AAGAB: variants seen among roughly 807,000 people sequenced by gnomAD.
The protein encoded by AAGAB is alpha- and gamma-adaptin-binding protein p34.
In AAGAB, 38 loss-of-function variants were observed where a neutral mutation model predicts 44.1. The ratio of observed to expected loss-of-function variants is 0.86; its 90% CI spans 0.67 to 1.13. The LOEUF (loss-of-function observed/expected upper bound fraction) is 1.13. Among genes scored for constraint, AAGAB ranks in the 50% most tolerant of loss-of-function variants. The pLI, the probability that AAGAB is intolerant of heterozygous loss-of-function variation, is 0.00. For missense variants in AAGAB, 450 were observed against 373.8 expected, an observed-to-expected ratio of 1.20 and a Z score of -1.68; for synonymous variants, 131 against 131.8, an observed-to-expected ratio of 0.99 and a Z score of 0.04.
chr15:67,232,547 A>G (rs1355662311), intron 4 of AAGAB: 2 of 390,588 alleles, frequency 5.1e-6, no homozygotes, highest in East Asian at 6.8e-5. Context: ...GGAAGGCAAC[A>G]CTACCTAAGA....
chr15:67,237,750 T>G (rs1231714046), intron 1 of AAGAB, among the ~76,000 whole-genome samples: 3 of 152,164 alleles, frequency 2.0e-5, no homozygotes, highest in Non-Finnish European at 4.4e-5. Context: ...TAAAATGACA[T>G]GCCATTAATT....
intron 5 of AAGAB, among the ~76,000 whole-genome samples, chr15:67,211,251 C>T (rs1324599310): frequency 6.6e-6 from 1 of 152,202 alleles, no homozygotes; most frequent in Non-Finnish European, 1.5e-5. Context: ...AACTAAGAGG[C>T]TGCTGCTGCC....
At chr15:67,217,001 C>T (rs1963966706) in intron 5 of AAGAB, among the ~76,000 whole-genome samples, 1 of 151,972 alleles carries the variant, frequency 6.6e-6, no homozygotes, top group Admixed American at 6.6e-5. Context: ...TTTTTTTCCT[C>T]TTCCCCTTTT....
intron 5 of AAGAB, among the ~76,000 whole-genome samples, chr15:67,231,515 C>T (rs143981918): frequency 6.6e-6 from 1 of 152,178 alleles, no homozygotes. Context: ...AATTTCACAG[C>T]TGGACTAGGA....
rs1441055976 is a variant in AAGAB at position 67,221,564 on chromosome 15, T to G, written c.535+10250A>C. 2.0e-5 allele frequency among the ~76,000 whole-genome samples: 3 copies of G among 152,200 alleles called. No homozygotes were observed. In the East Asian group the frequency reaches 5.8e-4, roughly 29 times the overall value. Reference sequence around the variant, plus strand: ...AAAGTTCCTAACAGTTTCTACCCAGTGCAGTTGAGGGCACATCTACCAACC... The same window carrying G: ...AAAGTTCCTAACAGTTTCTACCCAGGGCAGTTGAGGGCACATCTACCAACC... On this transcript the variant is annotated intron_variant, in intron 5 of 9. Transcript: ENST00000261880.
chr15:67,251,236 CTGTG>C (rs55690815), intron 1 of AAGAB, among the ~76,000 whole-genome samples: 39 of 147,496 alleles, frequency 2.6e-4, no homozygotes, highest in South Asian at 6.4e-4. Flanking sequence ...GTGTGTGTGT[CTGTG>C]TGTGTGTGTG....
intron 1 of AAGAB, among the ~76,000 whole-genome samples, chr15:67,246,852 C>A (rs577063363): frequency 2.0e-5 from 3 of 152,318 alleles, no homozygotes; most frequent in Admixed American, 2.0e-4. Flanking sequence ...GTAAAATGGA[C>A]CAATCAGCAG....
At chr15:67,230,326 G>A (rs544848426) in intron 5 of AAGAB, among the ~76,000 whole-genome samples, 1 of 152,294 alleles carries the variant, frequency 6.6e-6, no homozygotes, top group Non-Finnish European at 1.5e-5. Context: ...CTAACCTCCA[G>A]TATCTTAGAA....
At chr15:67,252,623 T>A (rs1273984230) in intron 1 of AAGAB, among the ~76,000 whole-genome samples, 1 of 152,032 alleles carries the variant, frequency 6.6e-6, no homozygotes, top group Non-Finnish European at 1.5e-5. Context: ...TATGCACTAG[T>A]TTTACAATGA....
upstream of AAGAB, chr15:67,255,075 AGGC>A: frequency 1.1e-6 from 1 of 927,906 alleles, no homozygotes; most frequent in Non-Finnish European, 1.7e-6. Flanking sequence ...AACTCGCGAG[AGGC>A]TCCCAAAAAT....
chr15:67,244,364 T>C (rs1964671583), intron 1 of AAGAB, among the ~76,000 whole-genome samples: 1 of 152,158 alleles, frequency 6.6e-6, no homozygotes, highest in African/African-American at 2.4e-5. Context: ...GTAAACATTG[T>C]GTTTCAAGAC....
At chr15:67,208,801 C>T (rs916789615) in intron 6 of AAGAB, 143 bp from the exon 7 acceptor site, 5 of 623,992 alleles carry the variant, frequency 8.0e-6, no homozygotes, top group African/African-American at 3.7e-5. Context: ...AGCAAGATCA[C>T]ATTAAAAAAA....
upstream of AAGAB, chr15:67,255,105 C>T: frequency 1.4e-6 from 1 of 705,012 alleles, no homozygotes; most frequent in Non-Finnish European, 2.6e-6. Flanking sequence ...CCAGACCTTC[C>T]CCCACGGCCC....
At chr15:67,246,341 G>A (rs535178830) in intron 1 of AAGAB, among the ~76,000 whole-genome samples, 3 of 148,812 alleles carry the variant, frequency 2.0e-5, no homozygotes, top group East Asian at 2.0e-4. Context: ...GCAGTGAGCC[G>A]AGATTGCACC....
intron 3 of AAGAB, 115 bp from the exon 4 acceptor site, chr15:67,236,183 A>G: frequency 1.1e-6 from 1 of 901,728 alleles, no homozygotes; most frequent in East Asian, 2.6e-5. Flanking sequence ...GTTATTCTAA[A>G]GGCATCTAAA....
chr15:67,244,751 C>T (rs1452319549), intron 1 of AAGAB, among the ~76,000 whole-genome samples: 2 of 151,620 alleles, frequency 1.3e-5, no homozygotes, highest in African/African-American at 4.9e-5. Flanking sequence ...CTGCAGTGAG[C>T]CGAGATCACA....
At chr15:67,255,117 G>C, upstream of AAGAB, 1 of 669,064 alleles carries the variant, frequency 1.5e-6, no homozygotes, top group Non-Finnish European at 2.7e-6. Context: ...CCACGGCCCA[G>C]CACACTCCCG....
rs1329791972 is a variant in AAGAB, at chr15:67,245,825, C to T, written c.73+8734G>A. ...AGGATAGAATTCAGTACTCAATCCA[C>T]AGATTTTTTTTCCCCCACAGAAATC... is the stretch of plus-strand genomic sequence containing the variant. On this transcript the variant is annotated intron_variant, in intron 1 of 9. Coordinates refer to ENST00000261880, the MANE Select transcript of AAGAB (RefSeq NM_024666.5). 3.9e-5 allele frequency among the ~76,000 whole-genome samples: 6 copies of T among 152,134 alleles called. No homozygotes were observed. In the South Asian group the frequency reaches 1.0e-3, roughly 26 times the overall value.
chr15:67,240,728 A>G (rs1024470650), intron 1 of AAGAB, among the ~76,000 whole-genome samples: 5 of 152,148 alleles, frequency 3.3e-5, no homozygotes, highest in African/African-American at 1.2e-4. Flanking sequence ...TTTTCCCTAT[A>G]ATCTCATATG....
Sources: gnomAD v4.1 joint callset for allele counts (sites outside exome capture counted in the v4.1 genomes callset) on GRCh38, gnomAD v4.1.1 for gene constraint, MANE v1.5 for transcripts, NCBI Gene and HGNC (gene_info 2026-07-23, HGNC 2026-07-21) for gene names.